MEI4: variants seen among roughly 807,000 people sequenced by gnomAD.
The protein encoded by MEI4 is meiotic double-stranded break formation protein 4.
MEI4 carries 27 observed loss-of-function variants against 31.4 expected under a neutral mutation model. That is an observed-to-expected ratio of 0.86 (90% CI 0.63 to 1.19). The LOEUF (loss-of-function observed/expected upper bound fraction) is 1.19. MEI4 is among the 50% of genes most tolerant of loss of function. The pLI, the probability that MEI4 is intolerant of heterozygous loss-of-function variation, is 0.00. For synonymous variants in MEI4, 122 were observed against 145.4 expected (o/e 0.84, Z 1.16); for missense variants, 329 against 398.9 (o/e 0.82, Z 1.49).
At chr6:77,830,427 T>C (rs1770051666) in intron 4 of MEI4, among the ~76,000 whole-genome samples, 1 of 152,096 alleles carries the variant, frequency 6.6e-6, no homozygotes, top group African/African-American at 2.4e-5. Context: ...TTCACAAACT[T>C]TATGGATAAG....
At chr6:77,755,861 A>C (rs1433327806) in intron 2 of MEI4, among the ~76,000 whole-genome samples, 2 of 120,962 alleles carry the variant, frequency 1.7e-5, no homozygotes, top group Non-Finnish European at 1.7e-5. Context: ...TGTGTATTTT[A>C]CCTCTATTAA....
At chr6:77,713,596 A>G (rs1766514812) in intron 2 of MEI4, among the ~76,000 whole-genome samples, 1 of 152,154 alleles carries the variant, frequency 6.6e-6, no homozygotes, top group African/African-American at 2.4e-5. Context: ...TCAGTGTGTT[A>G]TGGGTCTGCT....
chr6:77,788,358 T>G (rs1768807597), intron 3 of MEI4, among the ~76,000 whole-genome samples: 1 of 152,114 alleles, frequency 6.6e-6, no homozygotes, highest in Admixed American at 6.5e-5. Context: ...AGGGATGCCC[T>G]CTCTCACCAC....
At chr6:77,760,415 C>T (rs1203645531) in intron 2 of MEI4, among the ~76,000 whole-genome samples, 3 of 151,738 alleles carry the variant, frequency 2.0e-5, no homozygotes, top group Non-Finnish European at 4.4e-5. Context: ...ATTCACTCTA[C>T]ACTTTACAGG....
chr6:77,881,571 C>T (rs1771491202), intron 4 of MEI4, among the ~76,000 whole-genome samples: 1 of 152,206 alleles, frequency 6.6e-6, no homozygotes, highest in South Asian at 2.1e-4. Context: ...GCTGCTCTTG[C>T]ATCTGGGTTT....
chr6:77,744,537 A>T (rs1405530993), intron 2 of MEI4, among the ~76,000 whole-genome samples: 1 of 152,182 alleles, frequency 6.6e-6, no homozygotes, highest in Non-Finnish European at 1.5e-5. Flanking sequence ...CAAGTTGGAA[A>T]ACACTTTTCA....
intron 4 of MEI4, among the ~76,000 whole-genome samples, chr6:77,859,285 G>A (rs1040107049): frequency 1.4e-4 from 22 of 152,054 alleles, no homozygotes; most frequent in African/African-American, 5.3e-4. Context: ...CATTTGGGTT[G>A]GTTCTATATC....
intron 3 of MEI4, among the ~76,000 whole-genome samples, 199 bp downstream of exon 3, chr6:77,761,864 A>T (rs1211039853): frequency 2.6e-5 from 4 of 152,202 alleles, no homozygotes; most frequent in Admixed American, 2.0e-4. Context: ...AGTTTTCTGC[A>T]TAGATGCCTT....
chr6:77,901,940 C>T (rs1160826324), intron 4 of MEI4, among the ~76,000 whole-genome samples: 1 of 152,010 alleles, frequency 6.6e-6, no homozygotes, highest in Non-Finnish European at 1.5e-5. Flanking sequence ...TCAGTTTTCC[C>T]AGCATCATTC....
At chr6:77,919,378 C>A (rs1375347954) in intron 4 of MEI4, among the ~76,000 whole-genome samples, 1 of 152,058 alleles carries the variant, frequency 6.6e-6, no homozygotes, top group East Asian at 1.9e-4. Context: ...GGAAACTGAA[C>A]AACCTGCTCC....
At chr6:77,758,815 T>A (rs1767973769) in intron 2 of MEI4, among the ~76,000 whole-genome samples, 1 of 152,180 alleles carries the variant, frequency 6.6e-6, no homozygotes, top group African/African-American at 2.4e-5. Flanking sequence ...ATTGCTCATT[T>A]CACTCAATTT....
intron 4 of MEI4, among the ~76,000 whole-genome samples, chr6:77,866,752 C>A (rs1397539251): frequency 6.6e-6 from 1 of 152,112 alleles, no homozygotes; most frequent in Non-Finnish European, 1.5e-5. Flanking sequence ...AAAAAAGAGC[C>A]CACATTGCCA....
chr6:77,666,194 A>G (rs901665997), intron 1 of MEI4, among the ~76,000 whole-genome samples: 1 of 152,136 alleles, frequency 6.6e-6, no homozygotes, highest in Non-Finnish European at 1.5e-5. Context: ...GGTGGGTCTC[A>G]CAAAGTACAT....
At chr6:77,807,083 A>C (rs1032495373) in intron 3 of MEI4, among the ~76,000 whole-genome samples, 1 of 151,222 alleles carries the variant, frequency 6.6e-6, no homozygotes, top group Non-Finnish European at 1.5e-5. Flanking sequence ...TAGCTTTGGC[A>C]GCCCTGAGAG....
At chr6:77,891,579 C>A (rs924534993) in intron 4 of MEI4, among the ~76,000 whole-genome samples, 1 of 151,788 alleles carries the variant, frequency 6.6e-6, no homozygotes, top group African/African-American at 2.4e-5. Flanking sequence ...ACTGTTTCTT[C>A]AATATTATTA....
At chr6:77,736,552 T>G (rs1406046906) in intron 2 of MEI4, among the ~76,000 whole-genome samples, 1 of 152,078 alleles carries the variant, frequency 6.6e-6, no homozygotes, top group Admixed American at 6.5e-5. Flanking sequence ...CCTAATGAGA[T>G]GAACCCTGTA....
At chr6:77,855,530 C>T (rs891985488) in intron 4 of MEI4, among the ~76,000 whole-genome samples, 1 of 152,064 alleles carries the variant, frequency 6.6e-6, no homozygotes, top group African/African-American at 2.4e-5. Context: ...TTAAAATAGA[C>T]AAAGTAAAAA....
chr6:77,810,760 A>G (rs1488831512), intron 3 of MEI4, among the ~76,000 whole-genome samples: 1 of 152,196 alleles, frequency 6.6e-6, no homozygotes, highest in Non-Finnish European at 1.5e-5. Context: ...TATACAAGGA[A>G]GTATTCAAAA....
chr6:77,768,857 T>C (rs1768240108), intron 3 of MEI4, among the ~76,000 whole-genome samples: 1 of 152,174 alleles, frequency 6.6e-6, no homozygotes, highest in African/African-American at 2.4e-5. Flanking sequence ...CTTGTCATCT[T>C]AGTTTCTAAT....
Sources: gnomAD v4.1 joint callset for allele counts (sites outside exome capture counted in the v4.1 genomes callset) on GRCh38, gnomAD v4.1.1 for gene constraint, MANE v1.5 for transcripts, NCBI Gene and HGNC (gene_info 2026-07-23, HGNC 2026-07-21) for gene names.